Variants in EMCN observed in about 807,000 individuals in gnomAD.
EMCN encodes MUC-14.
EMCN carries 37 observed loss-of-function variants against 38.4 expected under a neutral mutation model. The observed-to-expected ratio is 0.96, with a 90% CI of 0.74 to 1.27. EMCN has a LOEUF of 1.27. Among genes scored for constraint, EMCN ranks in the 50% most tolerant of loss-of-function variants. The pLI, the probability that EMCN is intolerant of heterozygous loss-of-function variation, is 0.00. For missense variants in EMCN, 318 were observed against 302.8 expected, an observed-to-expected ratio of 1.05 and a Z score of -0.37; for synonymous variants, 95 against 100.8, an observed-to-expected ratio of 0.94 and a Z score of 0.35.
chr4:100,427,937 C>T (rs1396539975), intron 5 of EMCN, among the ~76,000 whole-genome samples: 6 of 152,080 alleles, frequency 3.9e-5, no homozygotes, highest in South Asian at 2.1e-4. Context: ...CTATTCCACA[C>T]GCAATCATCA....
At chr4:100,425,559 C>G (rs958718421) in intron 5 of EMCN, among the ~76,000 whole-genome samples, 1 of 151,938 alleles carries the variant, frequency 6.6e-6, no homozygotes, top group African/African-American at 2.4e-5. Context: ...TGAGTTTCCA[C>G]ATATATACAT....
intron 11 of EMCN, among the ~76,000 whole-genome samples, chr4:100,402,881 AT>A (rs1726294109): frequency 6.6e-6 from 1 of 151,934 alleles, no homozygotes; most frequent in Non-Finnish European, 1.5e-5. Context: ...TTAGTTACTA[AT>A]ATTTGAGCAT....
chr4:100,472,480 G>A (rs114837599), intron 3 of EMCN, among the ~76,000 whole-genome samples: 37 of 151,920 alleles, frequency 2.4e-4, no homozygotes, highest in African/African-American at 8.9e-4. Flanking sequence ...ATTGATAAAC[G>A]GAAAGACATC....
At chr4:100,443,403 G>A (rs1727577504) in intron 5 of EMCN, among the ~76,000 whole-genome samples, 1 of 152,226 alleles carries the variant, frequency 6.6e-6, no homozygotes, top group Non-Finnish European at 1.5e-5. Flanking sequence ...TAGGCACAGT[G>A]GGGTAATCAA....
intron 4 of EMCN, among the ~76,000 whole-genome samples, chr4:100,454,117 T>C (rs186377557): frequency 9.9e-5 from 15 of 151,594 alleles, no homozygotes; most frequent in African/African-American, 3.1e-4. Context: ...GGCACATGTA[T>C]AGATATGTAA....
chr4:100,499,054 G>A (rs1438601779), intron 1 of EMCN, among the ~76,000 whole-genome samples: 5 of 151,528 alleles, frequency 3.3e-5, no homozygotes, highest in African/African-American at 1.2e-4. Context: ...AGAAGTTAAT[G>A]TTCCATTTTT....
chr4:100,433,591 A>T (rs762153158), intron 5 of EMCN, among the ~76,000 whole-genome samples: 3 of 151,454 alleles, frequency 2.0e-5, no homozygotes, highest in Non-Finnish European at 4.4e-5. Context: ...GCTGGAGTGC[A>T]GTGGTGCCAT....
intron 3 of EMCN, among the ~76,000 whole-genome samples, chr4:100,467,616 AGCT>A (rs1728356162): frequency 6.9e-6 from 1 of 145,300 alleles, no homozygotes; most frequent in Non-Finnish European, 1.5e-5. Flanking sequence ...CAAGAGGCGG[AGCT>A]TGCAGTGAGC....
At chr4:100,460,311 A>G (rs557943405) in intron 4 of EMCN, among the ~76,000 whole-genome samples, 2 of 152,166 alleles carry the variant, frequency 1.3e-5, no homozygotes, top group East Asian at 1.9e-4. Flanking sequence ...AGTTCCTTAT[A>G]TATTTTGTAT....
chr4:100,404,708 C>G (rs1267295998), intron 11 of EMCN, among the ~76,000 whole-genome samples: 1 of 152,048 alleles, frequency 6.6e-6, no homozygotes, highest in Admixed American at 6.6e-5. Context: ...TCTTTTGGAT[C>G]CAGATGAATT....
intron 11 of EMCN, among the ~76,000 whole-genome samples, chr4:100,407,110 G>C (rs1726415484): frequency 6.6e-6 from 1 of 152,052 alleles, no homozygotes; most frequent in Non-Finnish European, 1.5e-5. Context: ...TGAGCCTATA[G>C]GTGTCCTTGA....
intron 1 of EMCN, among the ~76,000 whole-genome samples, chr4:100,480,653 A>G (rs150433731): frequency 1.3e-5 from 2 of 152,026 alleles, no homozygotes; most frequent in African/African-American, 4.8e-5. Context: ...AACAACTGCA[A>G]CATACTTAAA....
intron 1 of EMCN, among the ~76,000 whole-genome samples, 181 bp downstream of exon 1, chr4:100,517,670 A>G (rs1729794103): frequency 6.6e-6 from 1 of 152,038 alleles, no homozygotes; most frequent in South Asian, 2.1e-4. Context: ...CTTCAGTAGA[A>G]ACAAATACCG....
At chr4:100,470,444 GT>G (rs1192923468) in intron 3 of EMCN, among the ~76,000 whole-genome samples, 1 of 151,364 alleles carries the variant, frequency 6.6e-6, no homozygotes, top group African/African-American at 2.4e-5. Context: ...GTTGGTGGGA[GT>G]GTAAATTAGT....
intron 10 of EMCN, 34 bp downstream of exon 10, chr4:100,415,864 A>G (rs761111776): frequency 6.9e-7 from 1 of 1,443,764 alleles, no homozygotes; most frequent in Non-Finnish European, 9.5e-7. Flanking sequence ...TAAAATAACT[A>G]ATTTTCATCT....
At position 100,421,755 on chromosome 4, in the gene EMCN, A is replaced by G. The variant is rs553068524; in HGVS notation, c.569-378T>C. On this transcript the variant is annotated intron_variant, in intron 7 of 11. Coordinates refer to ENST00000296420, the MANE Select transcript of EMCN (RefSeq NM_016242.4). ...TTATAATGAAGTTACCAAAATATAT[A>G]TAACCCAACGGGGATTGCTTTAGTC... Among the ~76,000 whole-genome samples, 21 of 152,210 alleles carry G rather than the reference A, an allele frequency of 1.4e-4. No homozygotes were observed. In the South Asian group the frequency reaches 1.7e-3, roughly 12 times the overall value.
chr4:100,438,305 A>G (rs1397515212), intron 5 of EMCN, among the ~76,000 whole-genome samples: 1 of 152,096 alleles, frequency 6.6e-6, no homozygotes, highest in Non-Finnish European at 1.5e-5. Flanking sequence ...TTTTCAACGT[A>G]TGATGGGTTT....
At chr4:100,457,188 G>A (rs1308826733) in intron 4 of EMCN, among the ~76,000 whole-genome samples, 1 of 97,102 alleles carries the variant, frequency 1.0e-5, no homozygotes, top group African/African-American at 5.4e-5. Flanking sequence ...CATATAGTTT[G>A]GTTGTGTGTG....
At chr4:100,483,170 C>T (rs972965801) in intron 1 of EMCN, among the ~76,000 whole-genome samples, 17 of 152,130 alleles carry the variant, frequency 1.1e-4, no homozygotes, top group African/African-American at 3.9e-4. Context: ...TGTGGGTTAT[C>T]TAATTTAAAG....
Sources: allele counts gnomAD v4.1 joint callset (sites outside exome capture counted in the v4.1 genomes callset), GRCh38; gene constraint gnomAD v4.1.1; transcripts MANE v1.5; gene names NCBI Gene and HGNC (gene_info 2026-07-23, HGNC 2026-07-21).